FNDC3B: variants seen among roughly 807,000 people sequenced by gnomAD.
The protein encoded by FNDC3B is fibronectin type III domain containing 3B.
A neutral mutation model predicts 151.5 loss-of-function variants in FNDC3B; 12 were observed. The ratio of observed to expected loss-of-function variants is 0.08; its 90% CI spans 0.05 to 0.13. FNDC3B has a LOEUF of 0.13. Among genes scored for constraint, FNDC3B ranks in the 10% least tolerant of loss-of-function variants. FNDC3B has a pLI of 1.00. For synonymous variants in FNDC3B, 528 were observed against 549.0 expected (o/e 0.96, Z 0.54); for missense variants, 1,214 against 1,505.3 (o/e 0.81, Z 3.20).
At chr3:172,129,501 G>C (rs556631948) in intron 2 of FNDC3B, among the ~76,000 whole-genome samples, 24 of 152,328 alleles carry the variant, frequency 1.6e-4, no homozygotes, top group African/African-American at 5.8e-4. Flanking sequence ...GTAAAGGAAA[G>C]ATATTACACC....
At chr3:172,345,314 T>G (rs1362065642) in intron 19 of FNDC3B, among the ~76,000 whole-genome samples, 1 of 152,240 alleles carries the variant, frequency 6.6e-6, no homozygotes, top group African/African-American at 2.4e-5. Flanking sequence ...ATGAGCACAC[T>G]GTTGTGTCTA....
At chr3:172,287,077 C>T (rs1008743014) in intron 7 of FNDC3B, among the ~76,000 whole-genome samples, 32 of 152,298 alleles carry the variant, frequency 2.1e-4, no homozygotes, top group African/African-American at 7.5e-4. Context: ...TTGGATGCCT[C>T]CTCTCAGGAA....
chr3:172,285,602 T>C (rs1018410115), intron 6 of FNDC3B, among the ~76,000 whole-genome samples: 3 of 152,222 alleles, frequency 2.0e-5, no homozygotes, highest in Admixed American at 1.3e-4. Flanking sequence ...GGTACATTGG[T>C]CCCTCCACTT....
At chr3:172,294,099 A>G (rs1730473238) in intron 7 of FNDC3B, among the ~76,000 whole-genome samples, 1 of 152,194 alleles carries the variant, frequency 6.6e-6, no homozygotes, top group Non-Finnish European at 1.5e-5. Context: ...TTGTCCTTAG[A>G]TTTATTTTAA....
At chr3:172,070,175 C>T (rs905380071) in intron 1 of FNDC3B, among the ~76,000 whole-genome samples, 2 of 152,100 alleles carry the variant, frequency 1.3e-5, no homozygotes, top group Non-Finnish European at 2.9e-5. Flanking sequence ...ATGATATGAA[C>T]GTGAAATATT....
intron 4 of FNDC3B, among the ~76,000 whole-genome samples, chr3:172,240,521 C>A (rs1363422670): frequency 6.6e-6 from 1 of 152,172 alleles, no homozygotes; most frequent in Non-Finnish European, 1.5e-5. Context: ...TAATTCTCAA[C>A]AGTTGATTGT....
intron 3 of FNDC3B, among the ~76,000 whole-genome samples, chr3:172,144,672 C>T (rs1721805789): frequency 6.6e-6 from 1 of 151,744 alleles, no homozygotes. Context: ...ATTGGACACA[C>T]ATTAAGAGTA....
chr3:172,187,666 C>T (rs1391232826), intron 3 of FNDC3B, among the ~76,000 whole-genome samples: 3 of 152,172 alleles, frequency 2.0e-5, no homozygotes, highest in Non-Finnish European at 4.4e-5. Flanking sequence ...TTTTCCCCCT[C>T]TTTTGGAGAC....
At chr3:172,169,814 C>T (rs759381742) in intron 3 of FNDC3B, among the ~76,000 whole-genome samples, 25 of 152,196 alleles carry the variant, frequency 1.6e-4, no homozygotes, top group Non-Finnish European at 3.1e-4. Flanking sequence ...TTCCTATTCC[C>T]ATTTAAACGG....
chr3:172,120,277 A>C (rs1186238710), intron 2 of FNDC3B, among the ~76,000 whole-genome samples: 1 of 152,234 alleles, frequency 6.6e-6, no homozygotes, highest in Non-Finnish European at 1.5e-5. Context: ...GGAAGGATTA[A>C]GGTAAAATAC....
chr3:172,397,128 A>G, intron 25 of FNDC3B, 36 bp from the exon 26 acceptor site: 2 of 1,513,370 alleles, frequency 1.3e-6, no homozygotes, highest in South Asian at 1.3e-5. Flanking sequence ...CAGTGTTGCT[A>G]TAAATTAATT....
Position 172,210,260 on chromosome 3 carries a change from G to A in FNDC3B, c.188-16611G>A, listed in dbSNP as rs901576281. Among the ~76,000 whole-genome samples the A allele has an allele frequency of 3.9e-5, 6 of 152,276 alleles. No individual in the cohort carries two copies. The South Asian group carries it at 8.3e-4, about 21-fold the overall frequency. ...CATCTTTGCAGTGGCTGCTCCACGT[G>A]GGCTACCACTGCTATCATTATGATA... On this transcript the variant is annotated intron_variant, in intron 3 of 25. Coordinates refer to ENST00000415807, the MANE Select transcript of FNDC3B (RefSeq NM_022763.4).
At position 172,399,381 on chromosome 3, in the gene FNDC3B, T is replaced by TG. The variant is rs949778744; in HGVS notation, c.*1907dup. The TG allele has an allele frequency of 3.1e-4, 47 of 152,560 alleles. No homozygotes were observed. Among genetic ancestry groups the TG allele is most frequent in the African/African-American group, 1.1e-3 (45 of 41,434 alleles). 9.5% of individuals were successfully genotyped at this position (152,560 alleles called of 1,614,324 possible). A position where few individuals can be genotyped will look rare whatever the true frequency, so the allele number is the denominator to read the frequency against. On this transcript the variant is annotated 3_prime_UTR_variant, in exon 26 of 26. Transcript: ENST00000415807. ...TTTTTAAAAAGATAAGAGCATCTAGTGCATTAAATGCCAAAAAAAAAATAC... is the reference window on the plus strand; with the variant it reads ...TTTTTAAAAAGATAAGAGCATCTAGTGGCATTAAATGCCAAAAAAAAAATAC...
At chr3:172,176,842 T>A (rs985791235) in intron 3 of FNDC3B, among the ~76,000 whole-genome samples, 28 of 152,110 alleles carry the variant, frequency 1.8e-4, no homozygotes, top group Admixed American at 7.9e-4. Context: ...ACCACTGCAA[T>A]AGGGTCTTGC....
chr3:172,130,365 T>G (rs1437661013), intron 2 of FNDC3B, among the ~76,000 whole-genome samples: 1 of 152,230 alleles, frequency 6.6e-6, no homozygotes, highest in Non-Finnish European at 1.5e-5. Flanking sequence ...GGTAACTTGG[T>G]AGATTATAAT....
intron 25 of FNDC3B, among the ~76,000 whole-genome samples, chr3:172,386,754 A>G (rs975077134): frequency 1.1e-4 from 16 of 149,024 alleles, no homozygotes; most frequent in Non-Finnish European, 1.8e-4. Context: ...AAAAGAAAAA[A>G]AAAAGAAAAA....
intron 6 of FNDC3B, 55 bp from the exon 7 acceptor site, chr3:172,285,870 CA>C: frequency 7.3e-7 from 1 of 1,374,622 alleles, no homozygotes; most frequent in South Asian, 1.2e-5. Flanking sequence ...AGGAACTTGA[CA>C]ACCTTACTGC....
intron 3 of FNDC3B, among the ~76,000 whole-genome samples, chr3:172,210,670 G>A (rs923532192): frequency 6.6e-6 from 1 of 152,060 alleles, no homozygotes; most frequent in Non-Finnish European, 1.5e-5. Context: ...CTGCACTTTT[G>A]TAGTATTTTG....
rs539582572 is a variant in FNDC3B, at chr3:172,199,421, C to T, written c.188-27450C>T. On this transcript the variant is annotated intron_variant, in intron 3 of 25. Coordinates refer to ENST00000415807, the MANE Select transcript of FNDC3B (RefSeq NM_022763.4). Reference sequence around the variant, plus strand: ...GTCTCGATCTCCTGACCTCGTGATCCGCCCGCCTCGGCCTCCCAAAGTGCT... The same window carrying T: ...GTCTCGATCTCCTGACCTCGTGATCTGCCCGCCTCGGCCTCCCAAAGTGCT... 6.9e-3 allele frequency among the ~76,000 whole-genome samples: 1,043 copies of T among 151,932 alleles called. 2 individuals are homozygous for T. Among genetic ancestry groups the T allele is most frequent in the Middle Eastern group, 0.027 (8 of 294 alleles).
Sources: gnomAD v4.1 joint callset for allele counts (sites outside exome capture counted in the v4.1 genomes callset) on GRCh38, gnomAD v4.1.1 for gene constraint, MANE v1.5 for transcripts, NCBI Gene and HGNC (gene_info 2026-07-23, HGNC 2026-07-21) for gene names.